Variants in UNC5D observed in about 807,000 individuals in gnomAD.
UNC5D encodes unc-5 netrin receptor D.
In UNC5D, 39 loss-of-function variants were observed where a neutral mutation model predicts 105.4. The observed-to-expected ratio is 0.37, with a 90% confidence interval of 0.29 to 0.48. UNC5D has a LOEUF of 0.48. Among genes scored for constraint, UNC5D ranks in the 20% least tolerant of loss-of-function variants. UNC5D has a pLI of 0.98. For missense variants in UNC5D, 991 were observed against 1,202.4 expected (o/e 0.82, Z 2.60); for synonymous variants, 452 against 450.4 (o/e 1.00, Z -0.04).
chr8:35,696,241 T>C (rs969109610), intron 7 of UNC5D, among the ~76,000 whole-genome samples: 1 of 151,590 alleles, frequency 6.6e-6, no homozygotes, highest in Non-Finnish European at 1.5e-5. Context: ...ATTCCCAGAT[T>C]CCAAAATTAG....
intron 1 of UNC5D, among the ~76,000 whole-genome samples, chr8:35,505,964 G>A (rs1563481846): frequency 6.6e-6 from 1 of 152,212 alleles, no homozygotes; most frequent in Admixed American, 6.5e-5. Flanking sequence ...ATTTCACATT[G>A]TACTTGACAC....
At chr8:35,638,868 G>A (rs1056039983) in intron 4 of UNC5D, among the ~76,000 whole-genome samples, 6 of 152,072 alleles carry the variant, frequency 3.9e-5, no homozygotes, top group African/African-American at 1.4e-4. Flanking sequence ...TAGATGAAAA[G>A]AACTAAAATA....
intron 8 of UNC5D, among the ~76,000 whole-genome samples, chr8:35,710,810 C>T (rs988992550): frequency 2.6e-5 from 4 of 152,282 alleles, no homozygotes; most frequent in South Asian, 4.1e-4. Flanking sequence ...ATTCCCACAC[C>T]AGGATTTCTA....
chr8:35,493,249 C>A (rs1186846425), intron 1 of UNC5D, among the ~76,000 whole-genome samples: 1 of 92,548 alleles, frequency 1.1e-5, no homozygotes, highest in African/African-American at 4.2e-5. Context: ...ATTTCACTAA[C>A]AATTAAGAGT....
intron 1 of UNC5D, among the ~76,000 whole-genome samples, chr8:35,306,413 C>A (rs1808423778): frequency 6.6e-6 from 1 of 151,950 alleles, no homozygotes; most frequent in African/African-American, 2.4e-5. Flanking sequence ...ATGCTTTTAA[C>A]TTGTTAGGAC....
intron 4 of UNC5D, among the ~76,000 whole-genome samples, chr8:35,600,819 C>T (rs1819821984): frequency 6.6e-6 from 1 of 152,088 alleles, no homozygotes; most frequent in African/African-American, 2.4e-5. Context: ...TCCCATTTGT[C>T]AATTTTGTCT....
chr8:35,442,902 T>TCA (rs1163774548), intron 1 of UNC5D, among the ~76,000 whole-genome samples: 55 of 131,794 alleles, frequency 4.2e-4, no homozygotes, highest in African/African-American at 1.1e-3. Context: ...TCTCTCTCTC[T>TCA]CTCACACACA....
chr8:35,701,696 T>C (rs1002783473), intron 7 of UNC5D, among the ~76,000 whole-genome samples: 3 of 152,008 alleles, frequency 2.0e-5, no homozygotes, highest in Non-Finnish European at 4.4e-5. Context: ...CAGTACTAAG[T>C]GACAAAAGCA....
At chr8:35,420,638 C>G (rs1805837490) in intron 1 of UNC5D, among the ~76,000 whole-genome samples, 1 of 152,168 alleles carries the variant, frequency 6.6e-6, no homozygotes, top group Admixed American at 6.5e-5. Context: ...CCAGATGTGC[C>G]TCCTACTCTC....
At chr8:35,678,849 T>G (rs569676929) in intron 4 of UNC5D, among the ~76,000 whole-genome samples, 3 of 152,144 alleles carry the variant, frequency 2.0e-5, no homozygotes, top group African/African-American at 7.2e-5. Context: ...CTTTCTCTCT[T>G]TCTTCTATCA....
At chr8:35,404,657 G>A (rs889560609) in intron 1 of UNC5D, among the ~76,000 whole-genome samples, 3 of 151,908 alleles carry the variant, frequency 2.0e-5, no homozygotes, top group Admixed American at 2.0e-4. Context: ...GTGCAATCTC[G>A]ACTCACTGCA....
intron 11 of UNC5D, among the ~76,000 whole-genome samples, chr8:35,745,567 T>G (rs1192541720): frequency 1.3e-5 from 2 of 152,232 alleles, no homozygotes; most frequent in African/African-American, 4.8e-5. Flanking sequence ...GACAATTGCA[T>G]GAATTAGTCA....
At chr8:35,591,675 T>A (rs539206994) in intron 3 of UNC5D, among the ~76,000 whole-genome samples, 1 of 152,240 alleles carries the variant, frequency 6.6e-6, no homozygotes, top group East Asian at 1.9e-4. Flanking sequence ...TTTATCACTT[T>A]CCCCTTACCT....
intron 1 of UNC5D, among the ~76,000 whole-genome samples, chr8:35,441,628 G>A (rs926459746): frequency 6.6e-6 from 1 of 151,622 alleles, no homozygotes; most frequent in Admixed American, 6.6e-5. Flanking sequence ...TTAGACGTGG[G>A]TCACTGGCTT....
At chr8:35,727,973 A>G (rs1047229268) in intron 10 of UNC5D, 5 of 150,388 alleles carry the variant, frequency 3.3e-5, no homozygotes, top group African/African-American at 1.2e-4. Context: ...GTAGTGGCAC[A>G]CACCTGTAGT....
chr8:35,280,637 T>A (rs1585484220), intron 1 of UNC5D, among the ~76,000 whole-genome samples: 1 of 152,314 alleles, frequency 6.6e-6, no homozygotes, highest in African/African-American at 2.4e-5. Flanking sequence ...TCATATAGTC[T>A]TGGCAATATT....
chr8:35,460,302 T>TC (rs1325693164), intron 1 of UNC5D, among the ~76,000 whole-genome samples: 1 of 152,028 alleles, frequency 6.6e-6, no homozygotes. Flanking sequence ...GGTTATAATC[T>TC]CCCCAGGGAG....
intron 4 of UNC5D, among the ~76,000 whole-genome samples, chr8:35,624,746 A>AT (rs1194590549): frequency 6.6e-6 from 1 of 152,146 alleles, no homozygotes; most frequent in East Asian, 1.9e-4. Context: ...CTACAGTTTC[A>AT]TTTTTTAAGG....
chr8:35,729,808 G>A (rs1829090293), intron 10 of UNC5D, among the ~76,000 whole-genome samples: 1 of 152,202 alleles, frequency 6.6e-6, no homozygotes, highest in African/African-American at 2.4e-5. Flanking sequence ...ACCTCCATAA[G>A]GCCAAGCTGT....
Sources: gnomAD v4.1 joint callset for allele counts (sites outside exome capture counted in the v4.1 genomes callset) on GRCh38, gnomAD v4.1.1 for gene constraint, MANE v1.5 for transcripts, NCBI Gene and HGNC (gene_info 2026-07-23, HGNC 2026-07-21) for gene names.